Variants in WBP2NL observed in about 807,000 individuals in gnomAD.
The protein encoded by WBP2NL is postacrosomal sheath WW domain-binding protein.
A neutral mutation model predicts 23.3 loss-of-function variants in WBP2NL; 27 were observed. That is an observed-to-expected ratio of 1.16 (90% confidence interval 0.85 to 1.60). WBP2NL has a LOEUF of 1.60. Among genes scored for constraint, WBP2NL ranks in the 40% most tolerant of loss-of-function variants. The pLI is 0.00. For missense variants in WBP2NL, 370 were observed against 389.5 expected, an observed-to-expected ratio of 0.95 and a Z score of 0.42; for synonymous variants, 151 against 145.9, an observed-to-expected ratio of 1.03 and a Z score of -0.25.
chr22:42,004,523 G>T (rs779271870), intron 1 of WBP2NL, among the ~76,000 whole-genome samples: 1 of 152,158 alleles, frequency 6.6e-6, no homozygotes, highest in Non-Finnish European at 1.5e-5. Context: ...GAACCTGGGA[G>T]GTGGAGGTTA....
In WBP2NL at chr22:42,019,812, T is replaced by A; in HGVS notation, c.313+9T>A. The A allele has an allele frequency of 6.2e-7, 1 of 1,614,016 alleles. No homozygotes were observed. Among genetic ancestry groups the A allele is most frequent in the Middle Eastern group, 1.6e-4 (1 of 6,062 alleles). On this transcript the variant is annotated intron_variant, in intron 3 of 5. Coordinates refer to ENST00000328823, the MANE Select transcript of WBP2NL (RefSeq NM_152613.3). Reference sequence around the variant, plus strand: ...TCAGGCAGCTCCATATGGTAAGTGTTCCCTCAGAAGTGTGTATTTTTTTTT... The same window carrying A: ...TCAGGCAGCTCCATATGGTAAGTGTACCCTCAGAAGTGTGTATTTTTTTTT...
Position 42,028,047 on chromosome 22 carries a change from T to C in WBP2NL, c.*866T>C. The C allele has an allele frequency of 2.5e-6, 1 of 398,534 alleles. No homozygotes were observed. Among genetic ancestry groups the C allele is most frequent in the African/African-American group, 2.1e-5 (1 of 48,744 alleles). 24.7% of individuals were successfully genotyped at this position (398,534 alleles called of 1,614,324 possible). A position where few individuals can be genotyped will look rare whatever the true frequency, so the allele number is the denominator to read the frequency against. ...TATGGCACTTTCACATTTTAAAATA[T>C]GCCTGCGAGAAAACTTGCATGTGTG... On this transcript the variant is annotated 3_prime_UTR_variant, in exon 6 of 6. Transcript: ENST00000328823.
chr22:42,004,040 G>A (rs1163957270), intron 1 of WBP2NL, among the ~76,000 whole-genome samples: 1 of 152,220 alleles, frequency 6.6e-6, no homozygotes, highest in Non-Finnish European at 1.5e-5. Context: ...GGGAGGCCGA[G>A]GCAGGTGGGT....
chr22:42,024,046 G>T (rs1924239610), intron 5 of WBP2NL, among the ~76,000 whole-genome samples: 1 of 152,072 alleles, frequency 6.6e-6, no homozygotes, highest in Non-Finnish European at 1.5e-5. Context: ...TGTCTTTATT[G>T]ATTCACCTAT....
chr22:42,052,112 C>T (rs556543524), intron 8 of WBP2NL, among the ~76,000 whole-genome samples: 9 of 152,246 alleles, frequency 5.9e-5, no homozygotes, highest in African/African-American at 2.2e-4. Context: ...TTATTTTACA[C>T]ACCCCAAGTC....
intron 5 of WBP2NL, among the ~76,000 whole-genome samples, chr22:42,023,823 T>C (rs1306363846): frequency 6.6e-6 from 1 of 152,036 alleles, no homozygotes; most frequent in African/African-American, 2.4e-5. Flanking sequence ...TAAAAAAATT[T>C]TGTAGATACA....
chr22:42,040,503 G>A (rs1602477681), intron 8 of WBP2NL, among the ~76,000 whole-genome samples: 1 of 152,198 alleles, frequency 6.6e-6, no homozygotes, highest in Admixed American at 6.5e-5. Context: ...GATAACAGGT[G>A]TGTGAGCCAC....
chr22:41,998,908 T>A (rs1351647875), intron 1 of WBP2NL, 28 bp downstream of exon 1: 8 of 1,599,642 alleles, frequency 5.0e-6, no homozygotes, highest in Non-Finnish European at 6.8e-6. Flanking sequence ...CGGCGTGCTG[T>A]CGGAGGAGAG....
rs757452533 is a variant in WBP2NL at position 42,026,957 on chromosome 22, C to T, written c.706C>T (p.Leu236=). 220 of 1,611,434 alleles carry T rather than the reference C, an allele frequency of 1.4e-4. No individual in the cohort carries two copies. The highest frequency in any genetic ancestry group is 1.8e-4 in the Non-Finnish European group (211 of 1,179,202). ...ACCTGCAGGATATGGAGCCCCACCT[C>T]TAGGATATGGAGCCCCACCTCTTGG... ...APPAGYGAPP[L]GYGAPPLGYG... Residue 236 remains leucine (L), a synonymous_variant, in exon 6 of 6, where the codon CTA becomes TTA. Coordinates refer to ENST00000328823, the MANE Select transcript of WBP2NL (RefSeq NM_152613.3).
chr22:42,033,480 G>A (rs1418577281), downstream of WBP2NL, among the ~76,000 whole-genome samples: 1 of 152,160 alleles, frequency 6.6e-6, no homozygotes, highest in Non-Finnish European at 1.5e-5. Context: ...CATTTAGTGG[G>A]TCCAAAGTTC....
chr22:42,027,224 T>C lies in WBP2NL; in HGVS notation c.*43T>C, dbSNP rs1380042034. The stretch of plus-strand genomic sequence containing the variant: ...CTTGAAGACTCACCAAGCAAAGAGG[T>C]ACCCTAAAATTGAAGTCAGGATAAG... On this transcript the variant is annotated 3_prime_UTR_variant, in exon 6 of 6. Transcript: ENST00000328823. 1.3e-6 allele frequency: 2 copies of C among 1,551,072 alleles called. No homozygotes were observed. Among genetic ancestry groups the C allele is most frequent in the Non-Finnish European group, 1.7e-6 (2 of 1,151,832 alleles).
At chr22:42,012,991 CAA>C (rs1170750173) in intron 1 of WBP2NL, among the ~76,000 whole-genome samples, 2 of 129,226 alleles carry the variant, frequency 1.5e-5, no homozygotes, top group African/African-American at 2.9e-5. Flanking sequence ...GACTCTGTCT[CAA>C]AAAAAAAAAA....
chr22:42,007,914 C>T (rs1312816813), intron 1 of WBP2NL, among the ~76,000 whole-genome samples: 2 of 152,114 alleles, frequency 1.3e-5, no homozygotes, highest in African/African-American at 4.8e-5. Context: ...TGGATGTATA[C>T]CCAGAAGCAG....
At chr22:42,007,458 G>T (rs1922357362) in intron 1 of WBP2NL, among the ~76,000 whole-genome samples, 1 of 152,052 alleles carries the variant, frequency 6.6e-6, no homozygotes, top group Non-Finnish European at 1.5e-5. Flanking sequence ...TTGCAGAATT[G>T]CCCTACAGAA....
downstream of WBP2NL, chr22:42,029,810 A>G (rs539992885): frequency 1.8e-4 from 28 of 152,370 alleles, no homozygotes; most frequent in African/African-American, 6.5e-4. Flanking sequence ...CAGTTACACC[A>G]TAACGTATTT....
downstream of WBP2NL, among the ~76,000 whole-genome samples, chr22:42,036,882 C>T (rs972018551): frequency 1.3e-5 from 2 of 152,034 alleles, no homozygotes; most frequent in Admixed American, 6.6e-5. Context: ...CTGTAGGTTG[C>T]CTTTTCATTT....
At chr22:42,052,257 C>A in intron 8 of WBP2NL, among the ~76,000 whole-genome samples, 1 of 152,070 alleles carries the variant, frequency 6.6e-6, no homozygotes, top group East Asian at 1.9e-4. Flanking sequence ...TCTTGAAGCT[C>A]TTTAAACAGG....
At chr22:42,047,917 C>A (rs1888616476) in intron 8 of WBP2NL, among the ~76,000 whole-genome samples, 1 of 151,950 alleles carries the variant, frequency 6.6e-6, no homozygotes, top group South Asian at 2.1e-4. Context: ...CCACTGCACC[C>A]AGCCTAAAAC....
chr22:42,023,896 G>A (rs1344385681), intron 5 of WBP2NL, among the ~76,000 whole-genome samples: 1 of 151,794 alleles, frequency 6.6e-6, no homozygotes, highest in Non-Finnish European at 1.5e-5. Flanking sequence ...CTATTGCCTT[G>A]GCTTCCCAAA....
Sources: allele counts gnomAD v4.1 joint callset (sites outside exome capture counted in the v4.1 genomes callset), GRCh38; gene constraint gnomAD v4.1.1; transcripts MANE v1.5; gene names NCBI Gene and HGNC (gene_info 2026-07-23, HGNC 2026-07-21).